Variants in GLCE observed in about 807,000 individuals in gnomAD.
GLCE encodes the protein glucuronic acid epimerase, also known as D-glucuronyl C5-epimerase.
In GLCE, 19 loss-of-function variants were observed where a neutral mutation model predicts 47.9. The ratio of observed to expected loss-of-function variants is 0.40; its 90% confidence interval spans 0.28 to 0.58. The LOEUF is 0.58. Ranked by LOEUF, GLCE falls within the 20% of genes least tolerant of loss-of-function variation. The pLI is 0.48. For missense variants in GLCE, 556 were observed against 743.3 expected (o/e 0.75, Z 2.93); for synonymous variants, 245 against 263.4 (o/e 0.93, Z 0.68).
intron 4 of GLCE, among the ~76,000 whole-genome samples, chr15:69,262,100 A>G (rs1485691365): frequency 6.6e-6 from 1 of 152,160 alleles, no homozygotes; most frequent in Non-Finnish European, 1.5e-5. Context: ...ATAAAAAGAG[A>G]GGAAAGGTTA....
Position 69,162,875 on chromosome 15 carries a change from C to G in GLCE, c.-105+2118C>G, listed in dbSNP as rs539144210. Among the ~76,000 whole-genome samples the G allele has an allele frequency of 4.6e-5, 7 of 152,266 alleles. No individual in the cohort carries two copies. The East Asian group carries it at 1.2e-3, about 25-fold the overall frequency. On this transcript the variant is annotated intron_variant, in intron 1 of 4. Transcript: ENST00000261858. ...ACTGGGATTTAGAGGCGTGAGTCAC[C>G]ATGCCAGGCCTCTTAGATACAATTT...
chr15:69,192,513 C>T (rs570337709), intron 1 of GLCE, among the ~76,000 whole-genome samples: 3 of 152,020 alleles, frequency 2.0e-5, no homozygotes, highest in Non-Finnish European at 4.4e-5. Flanking sequence ...TTGATCATCT[C>T]TTTCATTTCT....
At chr15:69,266,012 A>G (rs1480807733) in intron 4 of GLCE, among the ~76,000 whole-genome samples, 1 of 152,218 alleles carries the variant, frequency 6.6e-6, no homozygotes, top group Non-Finnish European at 1.5e-5. Flanking sequence ...ATAGATGCAG[A>G]AAAATGCTAG....
At chr15:69,268,152 C>A in intron 4 of GLCE, 68 bp from the exon 5 acceptor site, 2 of 932,280 alleles carry the variant, frequency 2.1e-6, no homozygotes, top group East Asian at 2.5e-5. Context: ...GGATGAATTG[C>A]AATTCAATTT....
chr15:69,202,467 C>T (rs2140364974), intron 1 of GLCE, among the ~76,000 whole-genome samples: 1 of 152,218 alleles, frequency 6.6e-6, no homozygotes, highest in African/African-American at 2.4e-5. Context: ...CTCTTGTGCT[C>T]CCACTGTGTG....
At chr15:69,260,245 AC>A (rs1486993349) in intron 3 of GLCE, among the ~76,000 whole-genome samples, 7 of 148,226 alleles carry the variant, frequency 4.7e-5, no homozygotes, top group African/African-American at 1.7e-4. Context: ...TTGCCAAGTC[AC>A]AACTGGTTTT....
rs12437961 is a variant in GLCE, at chr15:69,173,762, T to A, written c.-105+13005T>A. Among the ~76,000 whole-genome samples the A allele has an allele frequency of 1.1e-4, 16 of 152,320 alleles. 1 individual carries two copies. Among genetic ancestry groups the A allele is most frequent in the Admixed American group, 9.8e-4 (15 of 15,304 alleles). On this transcript the variant is annotated intron_variant, in intron 1 of 4. Coordinates refer to ENST00000261858, the MANE Select transcript of GLCE (RefSeq NM_015554.3). ...TTTCTTGGGCACTTATTCACACTTA[T>A]AATACTTATGGCTTCATACAGTATC...
At chr15:69,230,168 A>G (rs1199351927) in intron 2 of GLCE, among the ~76,000 whole-genome samples, 1 of 150,832 alleles carries the variant, frequency 6.6e-6, no homozygotes, top group Non-Finnish European at 1.5e-5. Flanking sequence ...AGATCGCGCC[A>G]TTGTACTCCA....
chr15:69,250,972 T>C (rs2052836379), intron 2 of GLCE, among the ~76,000 whole-genome samples: 1 of 152,206 alleles, frequency 6.6e-6, no homozygotes, highest in South Asian at 2.1e-4. Context: ...AAGTCCATTG[T>C]TGAATTTCCC....
At chr15:69,231,468 A>G (rs1416677588) in intron 2 of GLCE, among the ~76,000 whole-genome samples, 1 of 151,726 alleles carries the variant, frequency 6.6e-6, no homozygotes, top group Non-Finnish European at 1.5e-5. Context: ...TTGTTTTAGT[A>G]GAGATGGGGT....
chr15:69,189,555 G>C (rs535316782), intron 1 of GLCE, among the ~76,000 whole-genome samples: 3 of 152,304 alleles, frequency 2.0e-5, no homozygotes, highest in Admixed American at 2.0e-4. Context: ...GAGCATGATT[G>C]CTGGATCATA....
intron 1 of GLCE, among the ~76,000 whole-genome samples, chr15:69,175,841 T>C (rs79375485): frequency 0.012 from 1,755 of 152,350 alleles, 27 homozygotes; most frequent in African/African-American, 0.038. Flanking sequence ...TGTAAATTGC[T>C]ATTTTCCAGT....
chr15:69,198,088 C>T (rs1346384426), intron 1 of GLCE, among the ~76,000 whole-genome samples: 2 of 152,028 alleles, frequency 1.3e-5, no homozygotes, highest in African/African-American at 2.4e-5. Flanking sequence ...TATGTCTGTA[C>T]CTTACCCCTC....
intron 2 of GLCE, among the ~76,000 whole-genome samples, chr15:69,243,057 CAAAAAAAA>C (rs547412078): frequency 1.2e-4 from 5 of 42,362 alleles, no homozygotes; most frequent in Non-Finnish European, 2.1e-4. Flanking sequence ...AGATCCTGTC[CAAAAAAAA>C]AAAAAAAAAA....
intron 4 of GLCE, among the ~76,000 whole-genome samples, chr15:69,267,864 G>A (rs1182929093): frequency 1.4e-5 from 1 of 74,058 alleles, no homozygotes; most frequent in African/African-American, 4.4e-5. Flanking sequence ...TTTTCTGTTT[G>A]CAGAATGGGT....
intron 1 of GLCE, among the ~76,000 whole-genome samples, chr15:69,187,509 A>T (rs538277088): frequency 6.6e-6 from 1 of 152,306 alleles, no homozygotes; most frequent in Non-Finnish European, 1.5e-5. Flanking sequence ...TATAATGGAG[A>T]AATCCTGCTT....
chr15:69,176,216 G>GTTTTTTTTTTTTT lies in GLCE; in HGVS notation c.-105+15471_-105+15483dup, dbSNP rs35017106. 1.1e-4 allele frequency among the ~76,000 whole-genome samples: 7 copies of GTTTTTTTTTTTTT among 63,388 alleles called. 1 individual carries two copies. The highest frequency in any genetic ancestry group is 1.3e-4 in the Non-Finnish European group (5 of 37,520). 41.6% of individuals were successfully genotyped at this position (63,388 alleles called of 152,430 possible). ...ATCTAGTAGTTTTCAGTGGAACCTT[G>GTTTTTTTTTTTTT]TTTTTTTTTTTTTTTTTTTTTTTTG... On this transcript the variant is annotated intron_variant, in intron 1 of 4. Transcript: ENST00000261858.
chr15:69,249,672 A>G (rs1025748174), intron 2 of GLCE, among the ~76,000 whole-genome samples: 5 of 152,224 alleles, frequency 3.3e-5, no homozygotes, highest in African/African-American at 1.2e-4. Context: ...GAATATTTAA[A>G]AAACCTATTG....
At chr15:69,245,332 CA>C (rs34544477) in intron 2 of GLCE, among the ~76,000 whole-genome samples, 31,225 of 79,346 alleles carry the variant, frequency 0.39, 2,713 homozygotes, top group African/African-American at 0.49. Flanking sequence ...GACTCTGTCT[CA>C]AAAAAAAAAA....
Sources: allele counts gnomAD v4.1 joint callset (sites outside exome capture counted in the v4.1 genomes callset), GRCh38; gene constraint gnomAD v4.1.1; transcripts MANE v1.5; gene names NCBI Gene and HGNC (gene_info 2026-07-23, HGNC 2026-07-21).